The following FAT1 variants were observed in gnomAD, a reference collection of about 807,000 sequenced individuals.
The protein encoded by FAT1 is FAT atypical cadherin 1, also known as protocadherin Fat 1.
FAT1 carries 171 observed loss-of-function variants against 329.8 expected under a neutral mutation model. The observed-to-expected ratio is 0.52, with a 90% CI of 0.46 to 0.59. The LOEUF is 0.59. Among genes scored for constraint, FAT1 ranks in the 20% least tolerant of loss-of-function variants. The pLI, the probability that FAT1 is intolerant of heterozygous loss-of-function variation, is 0.00. For missense variants in FAT1, 5,672 were observed against 5,774.4 expected (o/e 0.98, Z 0.57); for synonymous variants, 2,233 against 2,228.6 (o/e 1.00, Z -0.06).
chr4:186,705,249 T>C (rs936947877), intron 2 of FAT1, among the ~76,000 whole-genome samples: 3 of 151,866 alleles, frequency 2.0e-5, no homozygotes, highest in Admixed American at 2.0e-4. Flanking sequence ...CAGCCCAAAA[T>C]AATGTTTTTC....
intron 16 of FAT1, among the ~76,000 whole-genome samples, chr4:186,608,320 G>T (rs1005480677): frequency 2.0e-5 from 3 of 152,148 alleles, no homozygotes; most frequent in Admixed American, 6.5e-5. Context: ...CTAGATTATA[G>T]TACCTAATAC....
rs201130322 is a variant in FAT1 at position 186,598,044 on chromosome 4, A to C, written c.12185T>G (p.Leu4062Arg). 362 of 1,613,770 alleles carry C rather than the reference A, an allele frequency of 2.2e-4. No homozygotes were observed. The highest frequency in any genetic ancestry group is 2.8e-4 in the Non-Finnish European group (336 of 1,179,836). ...SVNPCSSKPC[L>R]YGGTCVVDNG... is the part of the protein sequence containing the mutation. Reference sequence around the variant, plus strand: ...GTCGACAACACACGTGCCCCCATAGAGGCATGGCTTGGAGGAACACGGATT... The same window carrying C: ...GTCGACAACACACGTGCCCCCATAGCGGCATGGCTTGGAGGAACACGGATT... Residue 4062 changes from leucine to arginine, a missense_variant, in exon 23 of 27, where the codon CTC becomes CGC. Coordinates refer to ENST00000441802, the MANE Select transcript of FAT1 (RefSeq NM_005245.4).
chr4:186,609,052 T>C, intron 16 of FAT1, 131 bp downstream of exon 16: 2 of 887,094 alleles, frequency 2.3e-6, no homozygotes, highest in South Asian at 3.6e-5. Context: ...TTTTCGAGTG[T>C]TTACATGTTG....
chr4:186,595,686 C>A lies in FAT1; in HGVS notation c.13138+3G>T, dbSNP rs371207320. On this transcript the variant is annotated splice_donor_region_variant and intron_variant, in intron 26 of 26. Coordinates refer to ENST00000441802, the MANE Select transcript of FAT1 (RefSeq NM_005245.4). ...GCAGTGTTGCAGCACACTGCTGCCT[C>A]ACCATTGTCATCGCACGATTCGGAC... 2.4e-4 allele frequency: 392 copies of A among 1,613,748 alleles called. No individual in the cohort carries two copies. The highest frequency in any genetic ancestry group is 2.2e-4 in the Admixed American group (13 of 59,998).
At chr4:186,678,993 T>C (rs1743072926) in intron 2 of FAT1, among the ~76,000 whole-genome samples, 1 of 152,054 alleles carries the variant, frequency 6.6e-6, no homozygotes, top group Non-Finnish European at 1.5e-5. Context: ...GTACACATAC[T>C]CGATGGAATA....
At chr4:186,688,998 G>C (rs1743623331) in intron 2 of FAT1, among the ~76,000 whole-genome samples, 1 of 152,140 alleles carries the variant, frequency 6.6e-6, no homozygotes, top group Non-Finnish European at 1.5e-5. Context: ...ACAGGCCATT[G>C]AAACAACAGA....
chr4:186,674,381 A>C (rs1015657181), intron 2 of FAT1, among the ~76,000 whole-genome samples: 1 of 152,226 alleles, frequency 6.6e-6, no homozygotes, highest in Non-Finnish European at 1.5e-5. Context: ...GTAGCAGAGA[A>C]GCCAGAACCC....
chr4:186,649,795 A>T (rs10016187), intron 3 of FAT1, among the ~76,000 whole-genome samples: 57,646 of 151,824 alleles, frequency 0.38, 11,338 homozygotes, highest in Middle Eastern at 0.43. Context: ...AACCTTTTTT[A>T]AAAAAATTAA....
chr4:186,685,851 G>A lies in FAT1; in HGVS notation c.3265+20712C>T, dbSNP rs184455078. On this transcript the variant is annotated intron_variant, in intron 2 of 26. Transcript: ENST00000441802. ...GTAGGTTGCATTTGTAGATGAGTCC[G>A]TCTCTAAGCAGCCAGCAAGCTGTAA... 6.6e-5 allele frequency among the ~76,000 whole-genome samples: 10 copies of A among 152,294 alleles called. No homozygotes were observed. In the East Asian group the frequency reaches 1.5e-3, roughly 24 times the overall value.
rs113622948 is a variant in FAT1 at position 186,639,706 on chromosome 4, T to TA, written c.3642+15dup. ...ACTACGAATCTTTAAGTATTAAAGA[T>TA]AAAAAAAAAACTTACCTCTAATATG... On this transcript the variant is annotated intron_variant, in intron 4 of 26. Coordinates refer to ENST00000441802, the MANE Select transcript of FAT1 (RefSeq NM_005245.4). 0.022 allele frequency: 28,329 copies of TA among 1,294,746 alleles called. 26 individuals carry two copies. The highest frequency in any genetic ancestry group is 0.037 in the African/African-American group (2,472 of 66,624). 80.2% of individuals were successfully genotyped at this position (1,294,746 alleles called of 1,614,324 possible).
chr4:186,630,834 A>C (rs1740549365), intron 7 of FAT1, among the ~76,000 whole-genome samples: 1 of 152,214 alleles, frequency 6.6e-6, no homozygotes, highest in Admixed American at 6.5e-5. Flanking sequence ...AGAGGCCACG[A>C]TGCTGATGCT....
chr4:186,605,967 T>G lies in FAT1; in HGVS notation c.10350+103A>C, dbSNP rs1342256857. ...GACTTCTTGAATTCTACGTTTCCCA[T>G]TTTTCTAGAAAGAAACCTTTGGATA... On this transcript the variant is annotated intron_variant, in intron 17 of 26. Transcript: ENST00000441802. 6.1e-6 allele frequency: 7 copies of G among 1,141,568 alleles called. No individual in the cohort carries two copies. In the East Asian group the frequency reaches 9.5e-5, roughly 15 times the overall value. The allele number at this position is 1,141,568 out of a possible 1,614,324, so 70.7% of individuals were successfully genotyped here. A position where few individuals can be genotyped will look rare whatever the true frequency, so the allele number is the denominator to read the frequency against.
chr4:186,688,054 T>G (rs1743557397), intron 2 of FAT1, among the ~76,000 whole-genome samples: 1 of 149,878 alleles, frequency 6.7e-6, no homozygotes, highest in South Asian at 2.1e-4. Context: ...GAAATAAAGA[T>G]CATTTTTTTA....
At chr4:186,614,526 A>G (rs1456381860) in intron 11 of FAT1, among the ~76,000 whole-genome samples, 182 bp from the exon 12 acceptor site, 1 of 152,248 alleles carries the variant, frequency 6.6e-6, no homozygotes, top group Non-Finnish European at 1.5e-5. Flanking sequence ...CATGTGAAAC[A>G]AGGAGGAGCC....
At chr4:186,714,506 T>G (rs531189958) in intron 1 of FAT1, among the ~76,000 whole-genome samples, 1 of 151,694 alleles carries the variant, frequency 6.6e-6, no homozygotes, top group African/African-American at 2.4e-5. Context: ...AGCCGGCAGA[T>G]AGAAATTTGA....
Position 186,588,385 on chromosome 4 carries a change from G to T in FAT1, c.*207C>A, listed in dbSNP as rs748969895. 10 of 570,922 alleles carry T rather than the reference G, an allele frequency of 1.8e-5. No homozygotes were observed. Among genetic ancestry groups the T allele is most frequent in the Non-Finnish European group, 3.0e-5 (10 of 336,170 alleles). 35.4% of individuals were successfully genotyped at this position (570,922 alleles called of 1,614,324 possible). ...CAGATGTAAATCCCAAAAGACGTTG[G>T]GAAATGGCACAGCCGATGAAAACCT... On this transcript the variant is annotated 3_prime_UTR_variant, in exon 27 of 27. Coordinates refer to ENST00000441802, the MANE Select transcript of FAT1 (RefSeq NM_005245.4).
In FAT1 at chr4:186,636,627, C is replaced by T. The variant is rs570920893; in HGVS notation, c.3930G>A (p.Ser1310=). The T allele has an allele frequency of 4.4e-5, 71 of 1,613,728 alleles. No homozygotes were observed. Among genetic ancestry groups the T allele is most frequent in the Admixed American group, 2.2e-4 (13 of 59,990 alleles). The change falls in exon 5 of 27, where the codon TCG becomes TCA. Residue 1310 remains serine (S), a synonymous_variant. Transcript: ENST00000441802. ...CTCCAGCTGCTGAAAACCTCTTGGA[C>T]GAAACCACTCCAGTTTTCGGTTCGA... ...FFIEPKTGVV[S]SKRFSAAGEY...
chr4:186,718,768 G>T (rs182683632), intron 1 of FAT1, among the ~76,000 whole-genome samples: 1 of 151,830 alleles, frequency 6.6e-6, no homozygotes, highest in Admixed American at 6.6e-5. Context: ...GGCAAAGATC[G>T]CAAGAAAAGG....
At position 186,618,634 on chromosome 4, in the gene FAT1, A is replaced by G; in HGVS notation, c.7952T>C (p.Leu2651Pro). 1 of 1,614,026 alleles carries G rather than the reference A, an allele frequency of 6.2e-7. No homozygotes were observed. The highest frequency in any genetic ancestry group is 8.5e-7 in the Non-Finnish European group (1 of 1,179,890). Reference sequence around the variant, plus strand: ...CTCCTTTGTAGTGATTACGCCGGACAGTTTGTTAATTTCCAAATTCTCTTT... The same window carrying G: ...CTCCTTTGTAGTGATTACGCCGGACGGTTTGTTAATTTCCAAATTCTCTTT... ...SVKENLEINK[L>P]SGVITTKESL... is the part of the protein sequence containing the mutation. The change falls in exon 10 of 27, where the codon CTG becomes CCG. Residue 2651 changes from leucine to proline, a missense_variant. Leu to Pro is a moderately conservative substitution (Grantham distance 98). Coordinates refer to ENST00000441802, the MANE Select transcript of FAT1 (RefSeq NM_005245.4).
Sources: gnomAD v4.1 joint callset for allele counts (sites outside exome capture counted in the v4.1 genomes callset) on GRCh38, gnomAD v4.1.1 for gene constraint, MANE v1.5 for transcripts, NCBI Gene and HGNC (gene_info 2026-07-23, HGNC 2026-07-21) for gene names.